ADGRB3: variants seen among roughly 807,000 people sequenced by gnomAD.
The protein encoded by ADGRB3 is brain-specific angiogenesis inhibitor 3.
Under a neutral mutation model 193.4 loss-of-function variants are expected in ADGRB3, and 37 were observed. The observed-to-expected ratio is 0.19, with a 90% CI of 0.15 to 0.25. ADGRB3 has a LOEUF of 0.25. Ranked by LOEUF, ADGRB3 falls within the 10% of genes least tolerant of loss-of-function variation. The probability of loss-of-function intolerance (pLI) is 1.00; values close to 1 mark genes in which losing one functional copy is unlikely to be tolerated. For synonymous variants in ADGRB3, 690 were observed against 644.2 expected, an observed-to-expected ratio of 1.07 and a Z score of -1.08; for missense variants, 1,637 against 1,852.9, an observed-to-expected ratio of 0.88 and a Z score of 2.14.
chr6:69,031,484 T>C (rs1249332863), intron 13 of ADGRB3, among the ~76,000 whole-genome samples: 1 of 148,524 alleles, frequency 6.7e-6, no homozygotes, highest in African/African-American at 2.5e-5. Flanking sequence ...TGTTAACATG[T>C]AGACCTAGCC....
At chr6:69,274,383 G>A (rs988029149) in intron 20 of ADGRB3, among the ~76,000 whole-genome samples, 4 of 151,728 alleles carry the variant, frequency 2.6e-5, no homozygotes, top group East Asian at 1.9e-4. Flanking sequence ...CCGAAGCAGC[G>A]GACAGCACGT....
intron 17 of ADGRB3, among the ~76,000 whole-genome samples, chr6:69,097,444 A>T (rs1292860248): frequency 6.6e-6 from 1 of 152,028 alleles, no homozygotes; most frequent in African/African-American, 2.4e-5. Context: ...GGTATCATTA[A>T]ATAAGAAGGA....
intron 3 of ADGRB3, among the ~76,000 whole-genome samples, chr6:68,695,830 G>A (rs182919883): frequency 5.9e-5 from 9 of 152,062 alleles, no homozygotes; most frequent in African/African-American, 2.2e-4. Flanking sequence ...GACAATCTCG[G>A]TGTCATTTTT....
chr6:69,310,194 C>T (rs2127299990), intron 20 of ADGRB3, among the ~76,000 whole-genome samples: 1 of 151,758 alleles, frequency 6.6e-6, no homozygotes, highest in Non-Finnish European at 1.5e-5. Flanking sequence ...TTCTTGTTGG[C>T]ACTTTTTTCC....
At chr6:69,384,178 G>A (rs1770011273) in intron 31 of ADGRB3, among the ~76,000 whole-genome samples, 1 of 151,926 alleles carries the variant, frequency 6.6e-6, no homozygotes, top group Non-Finnish European at 1.5e-5. Flanking sequence ...TTAAATGAAG[G>A]CTATGAGAAA....
In ADGRB3 at chr6:68,719,396, T is replaced by G. The variant is rs148498801; in HGVS notation, c.757+79964T>G. On this transcript the variant is annotated intron_variant, in intron 3 of 31. Coordinates refer to ENST00000370598, the MANE Select transcript of ADGRB3 (RefSeq NM_001704.3). ...TAATTAATATAAAGTTAGTTAAAAT[T>G]TTGTAGTTAGTGACCACCATATTGG... Among the ~76,000 whole-genome samples, 636 of 151,856 alleles carry G rather than the reference T, an allele frequency of 4.2e-3. 3 individuals are homozygous for G. The highest frequency in any genetic ancestry group is 0.014 in the African/African-American group (589 of 41,482).
At chr6:68,978,287 T>C (rs1322535379) in intron 10 of ADGRB3, among the ~76,000 whole-genome samples, 1 of 150,114 alleles carries the variant, frequency 6.7e-6, no homozygotes, top group Non-Finnish European at 1.5e-5. Context: ...ATAAATTAGA[T>C]ATGGATAGAT....
chr6:68,911,931 C>A (rs1156965312), intron 3 of ADGRB3, among the ~76,000 whole-genome samples: 2 of 148,520 alleles, frequency 1.3e-5, no homozygotes, highest in Non-Finnish European at 3.0e-5. Context: ...TTTTTGAGGT[C>A]AATCTAGTGT....
intron 3 of ADGRB3, among the ~76,000 whole-genome samples, chr6:68,781,089 G>C (rs545294133): frequency 6.6e-6 from 1 of 152,094 alleles, no homozygotes; most frequent in African/African-American, 2.4e-5. Context: ...GCATGAATTC[G>C]TGTACAGTTT....
At chr6:68,728,357 G>T (rs1323702786) in intron 3 of ADGRB3, among the ~76,000 whole-genome samples, 1 of 150,756 alleles carries the variant, frequency 6.6e-6, no homozygotes, top group Non-Finnish European at 1.5e-5. Context: ...TAAGTTCTTG[G>T]CAGTCTATGA....
intron 17 of ADGRB3, among the ~76,000 whole-genome samples, chr6:69,228,906 A>T (rs1030177998): frequency 2.0e-5 from 3 of 152,158 alleles, no homozygotes; most frequent in Non-Finnish European, 4.4e-5. Context: ...TTATCTATAA[A>T]ACTAAGTGTT....
chr6:69,034,774 C>T (rs1770818720), intron 13 of ADGRB3, among the ~76,000 whole-genome samples: 1 of 151,594 alleles, frequency 6.6e-6, no homozygotes, highest in Admixed American at 6.6e-5. Flanking sequence ...AAAACCATCA[C>T]TCATTTAGTG....
intron 17 of ADGRB3, among the ~76,000 whole-genome samples, chr6:69,210,109 T>TACACAC (rs151244765): frequency 0.14 from 19,474 of 134,338 alleles, 1,578 homozygotes; most frequent in Middle Eastern, 0.16. Flanking sequence ...TGTATATAGA[T>TACACAC]ACACACACAC....
intron 3 of ADGRB3, among the ~76,000 whole-genome samples, chr6:68,760,294 C>A (rs1349378071): frequency 6.6e-6 from 1 of 152,108 alleles, no homozygotes; most frequent in Non-Finnish European, 1.5e-5. Flanking sequence ...GGACATTTCT[C>A]CCCTAGGGGT....
At chr6:68,705,944 A>G (rs1345464130) in intron 3 of ADGRB3, among the ~76,000 whole-genome samples, 1 of 152,186 alleles carries the variant, frequency 6.6e-6, no homozygotes, top group Non-Finnish European at 1.5e-5. Context: ...TAGTGAAGGC[A>G]GGCCACGGTG....
chr6:69,052,032 A>G (rs1055579461), intron 15 of ADGRB3, among the ~76,000 whole-genome samples: 35 of 152,126 alleles, frequency 2.3e-4, no homozygotes, highest in African/African-American at 7.2e-4. Flanking sequence ...CTGGGACTTC[A>G]GGCGCCCACC....
chr6:68,700,155 T>C (rs1334092433), intron 3 of ADGRB3, among the ~76,000 whole-genome samples: 2 of 152,072 alleles, frequency 1.3e-5, no homozygotes, highest in African/African-American at 2.4e-5. Flanking sequence ...CAAAAACACA[T>C]TCAGGTGCCT....
intron 3 of ADGRB3, among the ~76,000 whole-genome samples, chr6:68,861,519 G>A (rs181015658): frequency 8.4e-4 from 128 of 151,988 alleles, no homozygotes; most frequent in African/African-American, 2.5e-3. Flanking sequence ...CCGAGATCGC[G>A]CCACTGCACT....
At chr6:68,703,343 A>G (rs879653223) in intron 3 of ADGRB3, among the ~76,000 whole-genome samples, 2 of 152,156 alleles carry the variant, frequency 1.3e-5, no homozygotes, top group Non-Finnish European at 2.9e-5. Flanking sequence ...ACACTCTCCC[A>G]TAAGCTACTA....
Sources: allele counts gnomAD v4.1 joint callset (sites outside exome capture counted in the v4.1 genomes callset), GRCh38; gene constraint gnomAD v4.1.1; transcripts MANE v1.5; gene names NCBI Gene and HGNC (gene_info 2026-07-23, HGNC 2026-07-21).